LRP1B: variants seen among roughly 807,000 people sequenced by gnomAD.
LRP1B encodes low-density lipoprotein receptor-related protein 1B.
In LRP1B, 217 loss-of-function variants were observed where a neutral mutation model predicts 556.6. The observed-to-expected ratio is 0.39, with a 90% CI of 0.35 to 0.44. The LOEUF (loss-of-function observed/expected upper bound fraction) is 0.44. Among genes scored for constraint, LRP1B ranks in the 20% least tolerant of loss-of-function variants. The probability of loss-of-function intolerance (pLI) is 1.00; values close to 1 mark genes in which losing one functional copy is unlikely to be tolerated. For synonymous variants in LRP1B, 2,047 were observed against 1,865.8 expected, an observed-to-expected ratio of 1.10 and a Z score of -2.50; for missense variants, 5,053 against 5,620.8, an observed-to-expected ratio of 0.90 and a Z score of 3.23.
chr2:141,087,720 C>A (rs1700080491), intron 7 of LRP1B, among the ~76,000 whole-genome samples: 1 of 152,130 alleles, frequency 6.6e-6, no homozygotes, highest in Non-Finnish European at 1.5e-5. Context: ...CAGCATGATG[C>A]TCGAGTGGAA....
intron 1 of LRP1B, among the ~76,000 whole-genome samples, chr2:142,078,442 T>C (rs778982968): frequency 1.2e-4 from 19 of 152,170 alleles, no homozygotes; most frequent in Non-Finnish European, 2.1e-4. Context: ...TGATCAATTG[T>C]ACAGTATGCT....
chr2:141,685,943 A>G (rs897632980), intron 2 of LRP1B, among the ~76,000 whole-genome samples: 2 of 152,094 alleles, frequency 1.3e-5, no homozygotes, highest in Admixed American at 1.3e-4. Flanking sequence ...TAAAACATTC[A>G]AGTACATACA....
intron 2 of LRP1B, among the ~76,000 whole-genome samples, chr2:141,510,743 T>C (rs1326889179): frequency 6.6e-6 from 1 of 152,020 alleles, no homozygotes; most frequent in Admixed American, 6.6e-5. Context: ...TTCCATCATG[T>C]TGCCTGCTCA....
chr2:141,992,566 G>T (rs746105678), intron 1 of LRP1B, among the ~76,000 whole-genome samples: 1 of 152,096 alleles, frequency 6.6e-6, no homozygotes, highest in Non-Finnish European at 1.5e-5. Context: ...TATAAAGACT[G>T]GAAGAAAACA....
At chr2:142,102,028 A>C (rs1398266483) in intron 1 of LRP1B, among the ~76,000 whole-genome samples, 1 of 151,900 alleles carries the variant, frequency 6.6e-6, no homozygotes, top group Non-Finnish European at 1.5e-5. Context: ...ATATCACTAC[A>C]TTTTATTAAG....
intron 37 of LRP1B, among the ~76,000 whole-genome samples, chr2:140,705,455 CAG>C (rs1015274049): frequency 7.5e-6 from 1 of 132,856 alleles, no homozygotes; most frequent in African/African-American, 2.8e-5. Context: ...ACCCGGGACA[CAG>C]AGTCCGCAGT....
At chr2:140,716,842 T>A (rs2105464933) in intron 35 of LRP1B, 26 bp from the exon 36 acceptor site, 2 of 1,394,972 alleles carry the variant, frequency 1.4e-6, no homozygotes, top group Non-Finnish European at 2.0e-6. Flanking sequence ...AGAAAAAAAA[T>A]ACATATACAC....
chr2:141,276,813 C>T (rs539708279), intron 3 of LRP1B, among the ~76,000 whole-genome samples: 9 of 152,068 alleles, frequency 5.9e-5, no homozygotes, highest in African/African-American at 1.9e-4. Context: ...GCCGCCACCA[C>T]GCCCAGCTAA....
At chr2:141,019,825 A>G (rs774110181) in intron 12 of LRP1B, 97 bp downstream of exon 12, 32 of 905,676 alleles carry the variant, frequency 3.5e-5, no homozygotes, top group Non-Finnish European at 4.8e-5. Context: ...AAAATCAGCT[A>G]TACATATGGA....
intron 2 of LRP1B, among the ~76,000 whole-genome samples, chr2:141,756,169 A>G (rs1312017092): frequency 3.3e-5 from 5 of 152,068 alleles, no homozygotes; most frequent in Non-Finnish European, 7.4e-5. Flanking sequence ...AGAAACTTCA[A>G]GATTATTAAT....
In LRP1B at chr2:141,007,685, T is replaced by C. The variant is rs114730415; in HGVS notation, c.2381-2228A>G. Among the ~76,000 whole-genome samples the C allele has an allele frequency of 1.9e-3, 286 of 151,790 alleles. 1 individual carries two copies. The highest frequency in any genetic ancestry group is 6.6e-3 in the African/African-American group (275 of 41,496). ...TCAGATTCTGGAAAATTAGAATTAA[T>C]TCAACATATTTTGAGAAATATATAA... On this transcript the variant is annotated intron_variant, in intron 14 of 90. Coordinates refer to ENST00000389484, the MANE Select transcript of LRP1B (RefSeq NM_018557.3).
At chr2:140,677,935 T>C (rs984025627) in intron 41 of LRP1B, among the ~76,000 whole-genome samples, 1 of 148,226 alleles carries the variant, frequency 6.7e-6, no homozygotes, top group African/African-American at 2.5e-5. Context: ...TGAAGGAGAA[T>C]GAGTGGCATT....
At chr2:141,836,896 A>AT (rs949562151) in intron 1 of LRP1B, among the ~76,000 whole-genome samples, 3 of 151,658 alleles carry the variant, frequency 2.0e-5, no homozygotes, top group African/African-American at 4.8e-5. Flanking sequence ...TGACAAAGTA[A>AT]TTTTTTTTCT....
chr2:141,473,389 A>C (rs1409898531), intron 3 of LRP1B, among the ~76,000 whole-genome samples: 1 of 152,166 alleles, frequency 6.6e-6, no homozygotes, highest in Non-Finnish European at 1.5e-5. Flanking sequence ...TTTCAAAAGG[A>C]TGAAACACCT....
chr2:142,092,191 A>G (rs557204710), intron 1 of LRP1B, among the ~76,000 whole-genome samples: 1 of 152,306 alleles, frequency 6.6e-6, no homozygotes, highest in East Asian at 1.9e-4. Flanking sequence ...TTTCTGTTAC[A>G]TGTATCTAAT....
chr2:141,143,702 T>A (rs934907222), intron 7 of LRP1B, among the ~76,000 whole-genome samples: 2 of 152,068 alleles, frequency 1.3e-5, no homozygotes, highest in Non-Finnish European at 2.9e-5. Flanking sequence ...ATACACAGGG[T>A]CAAATAAACC....
intron 3 of LRP1B, among the ~76,000 whole-genome samples, chr2:141,427,873 T>A (rs756611847): frequency 1.6e-4 from 25 of 152,148 alleles, no homozygotes; most frequent in Non-Finnish European, 2.8e-4. Flanking sequence ...GCACTGATAG[T>A]GCACAATAGT....
chr2:140,673,565 G>A (rs541528490), intron 41 of LRP1B, among the ~76,000 whole-genome samples: 156 of 152,142 alleles, frequency 1.0e-3, no homozygotes, highest in African/African-American at 3.5e-3. Flanking sequence ...TCTATTCAAG[G>A]CAATCCAGGC....
chr2:141,041,949 C>A (rs774572175), intron 11 of LRP1B, among the ~76,000 whole-genome samples: 13 of 151,978 alleles, frequency 8.6e-5, no homozygotes, highest in Non-Finnish European at 1.5e-4. Flanking sequence ...CTGGCAAGTC[C>A]CCTTTTCCAT....
Sources: allele counts gnomAD v4.1 joint callset (sites outside exome capture counted in the v4.1 genomes callset), GRCh38; gene constraint gnomAD v4.1.1; transcripts MANE v1.5; gene names NCBI Gene and HGNC (gene_info 2026-07-23, HGNC 2026-07-21).